DLGAP2: variants seen among roughly 807,000 people sequenced by gnomAD.
DLGAP2 encodes the protein DLG associated protein 2.
A neutral mutation model predicts 100.3 loss-of-function variants in DLGAP2; 26 were observed. The observed-to-expected ratio is 0.26, with a 90% CI of 0.19 to 0.36. The LOEUF (loss-of-function observed/expected upper bound fraction) is 0.36, where lower values mean the gene tolerates loss of function less well. DLGAP2 is among the 10% of genes least tolerant of loss of function. DLGAP2 has a pLI of 1.00. For synonymous variants in DLGAP2, 886 were observed against 630.1 expected, an observed-to-expected ratio of 1.41 and a Z score of -6.08; for missense variants, 1,858 against 1,453.2, an observed-to-expected ratio of 1.28 and a Z score of -4.53.
intron 12 of DLGAP2, chr8:1,688,341 C>T (rs1163465710): frequency 6.6e-6 from 1 of 152,248 alleles, no homozygotes; most frequent in Non-Finnish European, 1.5e-5. Flanking sequence ...AGATGCCCGA[C>T]AGACAACCTT....
intron 3 of DLGAP2, among the ~76,000 whole-genome samples, chr8:1,466,500 A>G (rs1033996651): frequency 6.0e-5 from 9 of 148,934 alleles, no homozygotes; most frequent in Non-Finnish European, 1.5e-5. Context: ...GTACCAGGGT[A>G]TAACTTTTCC....
intron 2 of DLGAP2, among the ~76,000 whole-genome samples, chr8:1,082,116 G>A (rs1161082537): frequency 6.6e-6 from 1 of 152,110 alleles, no homozygotes; most frequent in Non-Finnish European, 1.5e-5. Context: ...CCTCTGTTTT[G>A]AGGCTGTGTG....
intron 2 of DLGAP2, among the ~76,000 whole-genome samples, chr8:1,073,163 T>C (rs57720117): frequency 0.062 from 9,381 of 152,246 alleles, 977 homozygotes; most frequent in African/African-American, 0.21. Flanking sequence ...TTCCACCTTC[T>C]AAAATCATTT....
chr8:1,595,637 G>A (rs1467412599), intron 6 of DLGAP2, among the ~76,000 whole-genome samples: 12 of 140,640 alleles, frequency 8.5e-5, no homozygotes, highest in Admixed American at 1.5e-4. Flanking sequence ...ACTGCAGTCC[G>A]CAGTCCCGCC....
chr8:1,232,464 T>C (rs1351973158), intron 2 of DLGAP2, among the ~76,000 whole-genome samples: 2 of 152,360 alleles, frequency 1.3e-5, no homozygotes, highest in South Asian at 2.1e-4. Context: ...CAGGCTGTGA[T>C]GAGGGGAGGA....
chr8:1,454,688 T>C (rs1281927775), intron 3 of DLGAP2, among the ~76,000 whole-genome samples: 7 of 152,174 alleles, frequency 4.6e-5, no homozygotes, highest in Non-Finnish European at 1.0e-4. Context: ...ACTTTTTCTC[T>C]AAGGGAGTTC....
chr8:1,213,914 C>T (rs544730124), intron 2 of DLGAP2, among the ~76,000 whole-genome samples: 1 of 152,318 alleles, frequency 6.6e-6, no homozygotes, highest in Admixed American at 6.5e-5. Context: ...TTTTGCTGGC[C>T]CAGTTCCTTT....
At chr8:767,822 G>C (rs577455533) in intron 1 of DLGAP2, among the ~76,000 whole-genome samples, 62 of 152,184 alleles carry the variant, frequency 4.1e-4, no homozygotes, top group Non-Finnish European at 8.4e-4. Flanking sequence ...ATTAGCAACT[G>C]ATAGCAAGGT....
chr8:851,807 G>A lies in DLGAP2; in HGVS notation c.19-56105G>A, dbSNP rs114724801. On this transcript the variant is annotated intron_variant, in intron 1 of 14. Transcript: ENST00000637795. ...CTGCTAGATGCCAGGAACCACACTC[G>A]GAGCTGGGAAGCAGTGACTGTTCCG... is the stretch of plus-strand genomic sequence containing the variant. Among the ~76,000 whole-genome samples the A allele has an allele frequency of 5.7e-3, 864 of 152,328 alleles. 8 individuals are homozygous for A. The highest frequency in any genetic ancestry group is 0.02 in the African/African-American group (821 of 41,574).
intron 2 of DLGAP2, among the ~76,000 whole-genome samples, chr8:1,062,403 C>G (rs1803111582): frequency 6.6e-6 from 1 of 152,200 alleles, no homozygotes; most frequent in Admixed American, 6.5e-5. Flanking sequence ...GGAAGCTTCC[C>G]TGAGTGTAGG....
chr8:983,445 C>T lies in DLGAP2; in HGVS notation c.73+75479C>T, dbSNP rs117114496. 5.7e-4 allele frequency among the ~76,000 whole-genome samples: 86 copies of T among 151,876 alleles called. No individual in the cohort carries two copies. The East Asian group carries it at 0.016, about 28-fold the overall frequency. ...CCACGTGTTGGTGGAAGGTACAGGT[C>T]GTCAAGATGTTCTTCTATCCCTTAG... On this transcript the variant is annotated intron_variant, in intron 2 of 14. Coordinates refer to ENST00000637795, the MANE Select transcript of DLGAP2 (RefSeq NM_001346810.2).
At chr8:1,227,038 C>G (rs1490633732) in intron 2 of DLGAP2, among the ~76,000 whole-genome samples, 1 of 149,904 alleles carries the variant, frequency 6.7e-6, no homozygotes, top group Non-Finnish European at 1.5e-5. Flanking sequence ...ATCACCACCT[C>G]GGAAATATAT....
intron 2 of DLGAP2, among the ~76,000 whole-genome samples, chr8:1,174,311 A>G (rs1300918145): frequency 2.0e-5 from 3 of 152,008 alleles, no homozygotes; most frequent in Non-Finnish European, 2.9e-5. Context: ...CGTCATTACC[A>G]TTACCAAAAT....
At chr8:855,832 C>T (rs1328175782) in intron 1 of DLGAP2, among the ~76,000 whole-genome samples, 1 of 152,140 alleles carries the variant, frequency 6.6e-6, no homozygotes, top group Non-Finnish European at 1.5e-5. Flanking sequence ...GCAGAAAAGG[C>T]ATTTGAAAAA....
chr8:1,268,540 T>A (rs1799513781), intron 3 of DLGAP2, among the ~76,000 whole-genome samples: 1 of 152,172 alleles, frequency 6.6e-6, no homozygotes, highest in Non-Finnish European at 1.5e-5. Flanking sequence ...AATGAGAACA[T>A]CATTCGTGCC....
intron 4 of DLGAP2, among the ~76,000 whole-genome samples, chr8:1,516,615 A>G (rs1160418875): frequency 6.9e-6 from 1 of 145,670 alleles, no homozygotes; most frequent in Non-Finnish European, 1.5e-5. Flanking sequence ...GAGTGAGTGA[A>G]TCAGGGAGGG....
intron 1 of DLGAP2, among the ~76,000 whole-genome samples, chr8:778,165 C>G (rs1199710935): frequency 1.3e-5 from 2 of 152,158 alleles, no homozygotes; most frequent in African/African-American, 4.8e-5. Flanking sequence ...GCATTCTTCA[C>G]GTAGTTCTTG....
chr8:1,030,328 A>G (rs1801937485), intron 2 of DLGAP2, among the ~76,000 whole-genome samples: 1 of 151,274 alleles, frequency 6.6e-6, no homozygotes, highest in Non-Finnish European at 1.5e-5. Context: ...GTGTTGTGAA[A>G]CTCTTTGTGT....
intron 2 of DLGAP2, among the ~76,000 whole-genome samples, chr8:1,024,423 G>A (rs1801729083): frequency 6.6e-6 from 1 of 152,040 alleles, no homozygotes; most frequent in East Asian, 1.9e-4. Context: ...TGCCGAGGCA[G>A]ACACCCCAGC....
Sources: allele counts gnomAD v4.1 joint callset (sites outside exome capture counted in the v4.1 genomes callset), GRCh38; gene constraint gnomAD v4.1.1; transcripts MANE v1.5; gene names NCBI Gene and HGNC (gene_info 2026-07-23, HGNC 2026-07-21).